Variants in CACNA2D3 observed in about 807,000 individuals in gnomAD.
The protein encoded by CACNA2D3 is voltage-dependent calcium channel subunit alpha-2/delta-3.
A neutral mutation model predicts 160.6 loss-of-function variants in CACNA2D3; 60 were observed. The ratio of observed to expected loss-of-function variants is 0.37; its 90% confidence interval spans 0.30 to 0.46. The LOEUF is 0.46. Ranked by LOEUF, CACNA2D3 falls within the 20% of genes least tolerant of loss-of-function variation. The pLI, the probability that CACNA2D3 is intolerant of heterozygous loss-of-function variation, is 1.00. For missense variants in CACNA2D3, 1,205 were observed against 1,365.0 expected, an observed-to-expected ratio of 0.88 and a Z score of 1.85; for synonymous variants, 558 against 492.9, an observed-to-expected ratio of 1.13 and a Z score of -1.75.
chr3:54,702,948 G>A (rs936191801), intron 11 of CACNA2D3, among the ~76,000 whole-genome samples: 4 of 152,138 alleles, frequency 2.6e-5, no homozygotes, highest in African/African-American at 2.4e-5. Flanking sequence ...GCAGCTGGAA[G>A]CCATTATCCT....
chr3:54,331,249 G>T (rs146386080), intron 3 of CACNA2D3, among the ~76,000 whole-genome samples: 1 of 152,282 alleles, frequency 6.6e-6, no homozygotes, highest in East Asian at 1.9e-4. Flanking sequence ...GGAAAATGGA[G>T]AAGTGTAGCC....
At chr3:54,274,360 CT>C (rs1272256132) in intron 2 of CACNA2D3, among the ~76,000 whole-genome samples, 17 of 152,004 alleles carry the variant, frequency 1.1e-4, no homozygotes, top group African/African-American at 4.1e-4. Context: ...TTGCAACTCC[CT>C]GATATGATGA....
At chr3:54,952,539 G>T (rs753767809) in intron 27 of CACNA2D3, among the ~76,000 whole-genome samples, 1 of 152,128 alleles carries the variant, frequency 6.6e-6, no homozygotes, top group Admixed American at 6.5e-5. Context: ...TTAAGCAGAC[G>T]GAATGTCAAT....
chr3:54,528,920 T>C (rs955228526), intron 5 of CACNA2D3, among the ~76,000 whole-genome samples: 8 of 152,230 alleles, frequency 5.3e-5, no homozygotes, highest in African/African-American at 1.7e-4. Flanking sequence ...CACGATCCCA[T>C]GTGGCCATGC....
rs1294928933 is a variant in CACNA2D3 at position 55,059,270 on chromosome 3, A to ACTGTGAG, written c.2988-14174_2988-14168dup. Among the ~76,000 whole-genome samples the ACTGTGAG allele has an allele frequency of 2.0e-5, 3 of 152,362 alleles. No individual in the cohort carries two copies. The South Asian group carries it at 6.2e-4, about 32-fold the overall frequency. On this transcript the variant is annotated intron_variant, in intron 35 of 37. Coordinates refer to ENST00000474759, the MANE Select transcript of CACNA2D3 (RefSeq NM_018398.3). ...AGATGATAGAAAATAGAAGATTAGA[A>ACTGTGAG]CTGTGAGTTCTAGGTAATGTTAAAT...
chr3:54,247,577 A>C (rs1038721125), intron 2 of CACNA2D3, among the ~76,000 whole-genome samples: 1 of 152,190 alleles, frequency 6.6e-6, no homozygotes, highest in Non-Finnish European at 1.5e-5. Context: ...GAACATTGTA[A>C]ATATAAAAAA....
chr3:54,662,132 A>G (rs17815840), intron 11 of CACNA2D3, among the ~76,000 whole-genome samples: 23,137 of 152,028 alleles, frequency 0.15, 1,958 homozygotes, highest in South Asian at 0.26. Flanking sequence ...TCGTTAGCAC[A>G]TAGTAGCTGC....
Position 54,879,581 on chromosome 3 carries a change from G to A in CACNA2D3, c.1844+170G>A, listed in dbSNP as rs72876027. Among the ~76,000 whole-genome samples, 20 of 152,086 alleles carry A rather than the reference G, an allele frequency of 1.3e-4. 1 individual carries two copies. The highest frequency in any genetic ancestry group is 4.1e-4 in the South Asian group (2 of 4,830). ...CCAGGCTGCTTTTGTTTTCCAGAAG[G>A]GGGGGAGATGGTTCAGGCTCACCTA... On this transcript the variant is annotated intron_variant, in intron 20 of 37. Coordinates refer to ENST00000474759, the MANE Select transcript of CACNA2D3 (RefSeq NM_018398.3).
intron 2 of CACNA2D3, among the ~76,000 whole-genome samples, chr3:54,305,668 G>A (rs1703582085): frequency 6.6e-6 from 1 of 152,208 alleles, no homozygotes; most frequent in Non-Finnish European, 1.5e-5. Context: ...ACACACTGAA[G>A]GACTTTTTCC....
chr3:54,754,478 A>C (rs1575458877), intron 12 of CACNA2D3, among the ~76,000 whole-genome samples: 1 of 152,064 alleles, frequency 6.6e-6, no homozygotes, highest in Non-Finnish European at 1.5e-5. Context: ...AAGTGCCCTG[A>C]GTTATTCTCT....
intron 2 of CACNA2D3, among the ~76,000 whole-genome samples, chr3:54,139,239 T>G (rs1699874329): frequency 6.6e-6 from 1 of 152,246 alleles, no homozygotes; most frequent in Non-Finnish European, 1.5e-5. Flanking sequence ...TTTGTCCCAG[T>G]GTGCCCCCAT....
chr3:55,033,830 A>ATATGTATTATATATTTAATATATTT (rs1559469603), intron 35 of CACNA2D3, among the ~76,000 whole-genome samples: 1 of 47,910 alleles, frequency 2.1e-5, no homozygotes, highest in African/African-American at 8.5e-5. Context: ...AATATATTTA[A>ATATGTATTATATATTTAATATATTT]TATATAATAT....
chr3:54,647,610 A>G (rs1023291024), intron 11 of CACNA2D3, among the ~76,000 whole-genome samples: 3 of 152,156 alleles, frequency 2.0e-5, no homozygotes, highest in African/African-American at 4.8e-5. Flanking sequence ...GCTGGGTTCC[A>G]AGAAAGGGAA....
intron 2 of CACNA2D3, among the ~76,000 whole-genome samples, chr3:54,270,184 C>G (rs1187172630): frequency 5.3e-5 from 8 of 152,212 alleles, no homozygotes; most frequent in Non-Finnish European, 1.2e-4. Context: ...GCAAACTTAT[C>G]TAGGTGCTGA....
intron 34 of CACNA2D3, among the ~76,000 whole-genome samples, chr3:55,010,682 A>G (rs2107146580): frequency 6.6e-6 from 1 of 152,324 alleles, no homozygotes; most frequent in South Asian, 2.1e-4. Flanking sequence ...TTGATTAGTC[A>G]CATATCAGCA....
chr3:54,930,478 C>T (rs1055655711), intron 27 of CACNA2D3, among the ~76,000 whole-genome samples: 2 of 152,194 alleles, frequency 1.3e-5, no homozygotes, highest in Admixed American at 1.3e-4. Context: ...TTAGCTGTGT[C>T]TATAAGGCCC....
intron 4 of CACNA2D3, among the ~76,000 whole-genome samples, chr3:54,468,889 G>C (rs982178144): frequency 6.6e-6 from 1 of 152,166 alleles, no homozygotes; most frequent in African/African-American, 2.4e-5. Context: ...CCTCCTTTCT[G>C]GGTACGACAT....
chr3:55,032,386 A>G (rs1367629255), intron 35 of CACNA2D3, among the ~76,000 whole-genome samples: 1 of 152,214 alleles, frequency 6.6e-6, no homozygotes, highest in Non-Finnish European at 1.5e-5. Flanking sequence ...GAAGAAATCT[A>G]CAAGCATCCA....
chr3:54,568,394 A>G (rs1200720031), intron 6 of CACNA2D3, among the ~76,000 whole-genome samples: 1 of 152,214 alleles, frequency 6.6e-6, no homozygotes, highest in Admixed American at 6.5e-5. Context: ...GTTCAATTCA[A>G]GAAACATCCA....
Sources: gnomAD v4.1 joint callset for allele counts (sites outside exome capture counted in the v4.1 genomes callset) on GRCh38, gnomAD v4.1.1 for gene constraint, MANE v1.5 for transcripts, NCBI Gene and HGNC (gene_info 2026-07-23, HGNC 2026-07-21) for gene names.